The following OXSR1 variants were observed in gnomAD, a reference collection of about 807,000 sequenced individuals.
The protein encoded by OXSR1 is oxidative stress responsive kinase 1, also known as serine/threonine-protein kinase OSR1.
A neutral mutation model predicts 79.8 loss-of-function variants in OXSR1; 24 were observed. The ratio of observed to expected loss-of-function variants is 0.30; its 90% confidence interval spans 0.22 to 0.42. The LOEUF (loss-of-function observed/expected upper bound fraction) is 0.42. Ranked by LOEUF, OXSR1 falls within the 10% of genes least tolerant of loss-of-function variation. OXSR1 has a pLI of 1.00. For synonymous variants in OXSR1, 226 were observed against 209.2 expected, an observed-to-expected ratio of 1.08 and a Z score of -0.69; for missense variants, 430 against 618.4, an observed-to-expected ratio of 0.70 and a Z score of 3.23.
chr3:38,202,589 A>G (rs1369712390), intron 4 of OXSR1, among the ~76,000 whole-genome samples: 1 of 152,248 alleles, frequency 6.6e-6, no homozygotes, highest in Admixed American at 6.5e-5. Context: ...GACTGAAGGC[A>G]CAAACTGTTT....
At chr3:38,211,481 AAGAT>A (rs1402285077) in intron 4 of OXSR1, among the ~76,000 whole-genome samples, 2 of 152,120 alleles carry the variant, frequency 1.3e-5, no homozygotes, top group African/African-American at 2.4e-5. Flanking sequence ...TTTTGTTTTA[AAGAT>A]AGATCTTATT....
intron 3 of OXSR1, among the ~76,000 whole-genome samples, chr3:38,196,103 C>T (rs1293310979): frequency 6.6e-6 from 1 of 152,178 alleles, no homozygotes; most frequent in East Asian, 1.9e-4. Context: ...GTAATTCCTT[C>T]ACACATTAAA....
intron 4 of OXSR1, among the ~76,000 whole-genome samples, chr3:38,199,589 C>G (rs1702126301): frequency 6.6e-6 from 1 of 152,108 alleles, no homozygotes; most frequent in African/African-American, 2.4e-5. Flanking sequence ...TCTAAATAAT[C>G]TATCTTAGTA....
chr3:38,167,822 A>G (rs1314476039), intron 1 of OXSR1, among the ~76,000 whole-genome samples: 2 of 152,132 alleles, frequency 1.3e-5, no homozygotes, highest in African/African-American at 4.8e-5. Context: ...GGAAAGGATT[A>G]AATGGAAGAT....
At chr3:38,202,812 G>T (rs867962281) in intron 4 of OXSR1, among the ~76,000 whole-genome samples, 1 of 152,216 alleles carries the variant, frequency 6.6e-6, no homozygotes, top group African/African-American at 2.4e-5. Context: ...GAAGGCAAGA[G>T]GTGAGCCCTC....
At chr3:38,191,101 G>T (rs1701973221) in intron 3 of OXSR1, among the ~76,000 whole-genome samples, 1 of 152,178 alleles carries the variant, frequency 6.6e-6, no homozygotes, top group Non-Finnish European at 1.5e-5. Flanking sequence ...CTGGAGTGCA[G>T]TGGTGCAATC....
intron 1 of OXSR1, among the ~76,000 whole-genome samples, chr3:38,177,652 ATGGCTCAC>A (rs1701699345): frequency 6.7e-6 from 1 of 150,274 alleles, no homozygotes; most frequent in South Asian, 2.1e-4. Context: ...TGGTGTGAAC[ATGGCTCAC>A]TGCAGCATTG....
At chr3:38,237,349 G>A (rs1046618231) in intron 11 of OXSR1, among the ~76,000 whole-genome samples, 7 of 152,242 alleles carry the variant, frequency 4.6e-5, no homozygotes, top group East Asian at 3.9e-4. Context: ...CTCTTATTCA[G>A]TTGGTATATC....
In OXSR1 at chr3:38,198,871, A is replaced by G; in HGVS notation, c.434+8A>G. The stretch of plus-strand genomic sequence containing the variant: ...AAATGGACAGATCCACAGGTATGTA[A>G]AAGACAATACTCTTGTGTTACATCA... On this transcript the variant is annotated splice_region_variant and intron_variant, in intron 4 of 17. Transcript: ENST00000311806. 6.2e-7 allele frequency: 1 copy of G among 1,611,034 alleles called. No homozygotes were observed. Among genetic ancestry groups the G allele is most frequent in the South Asian group, 1.1e-5 (1 of 90,944 alleles).
chr3:38,182,262 C>T (rs1559502507), intron 1 of OXSR1, among the ~76,000 whole-genome samples: 1 of 152,172 alleles, frequency 6.6e-6, no homozygotes, highest in Non-Finnish European at 1.5e-5. Flanking sequence ...CTGCTAAGGG[C>T]AGATTGGCTT....
intron 4 of OXSR1, among the ~76,000 whole-genome samples, chr3:38,208,763 G>A (rs2125826792): frequency 6.6e-6 from 1 of 152,280 alleles, no homozygotes; most frequent in South Asian, 2.1e-4. Flanking sequence ...TTAGCTGGGT[G>A]TGGTGGCACG....
rs1380222026 is a variant in OXSR1, at chr3:38,255,306, C to T, written c.*2415C>T. On this transcript the variant is annotated 3_prime_UTR_variant, in exon 18 of 18. Transcript: ENST00000311806. Reference sequence around the variant, plus strand: ...GTTTTGAACCAAATCCTAGAGCCAGCTGATAATATTTAATAATCTGGAGGA... The same window carrying T: ...GTTTTGAACCAAATCCTAGAGCCAGTTGATAATATTTAATAATCTGGAGGA... The T allele has an allele frequency of 2.0e-5, 3 of 152,616 alleles. No homozygotes were observed. The allele number at this position is 152,616 out of a possible 1,614,324, so 9.5% of individuals were successfully genotyped here.
At position 38,254,211 on chromosome 3, in the gene OXSR1, G is replaced by C. The variant is rs967169791; in HGVS notation, c.*1320G>C. 1 of 398,772 alleles carries C rather than the reference G, an allele frequency of 2.5e-6. No homozygotes were observed. Among genetic ancestry groups the C allele is most frequent in the Non-Finnish European group, 4.4e-6 (1 of 225,962 alleles). The allele number at this position is 398,772 out of a possible 1,614,324, so 24.7% of individuals were successfully genotyped here. A position where few individuals can be genotyped will look rare whatever the true frequency, so the allele number is the denominator to read the frequency against. On this transcript the variant is annotated 3_prime_UTR_variant, in exon 18 of 18. Coordinates refer to ENST00000311806, the MANE Select transcript of OXSR1 (RefSeq NM_005109.3). ...CTGTGGGTCCCTGGAAAGGGGGAGA[G>C]TTGCCCTTTACAGAATCACTCGAGC... is the stretch of plus-strand genomic sequence containing the variant.
intron 4 of OXSR1, 70 bp from the exon 5 acceptor site, chr3:38,216,026 A>G (rs1050743934): frequency 1.1e-6 from 1 of 916,238 alleles, no homozygotes. Context: ...TATAGTAAAC[A>G]ATTGCTTAAA....
At position 38,236,950 on chromosome 3, in the gene OXSR1, T is replaced by G. The variant is rs775863821; in HGVS notation, c.1063T>G (p.Ser355Ala). 1.2e-6 allele frequency: 2 copies of G among 1,611,860 alleles called. No homozygotes were observed. The highest frequency in any genetic ancestry group is 1.3e-5 in the African/African-American group (1 of 74,934). ...AAGTGAGGAAGGGAAAGCAGCAATT[T>G]CACAACTCAGGGTAAATTTTATTAA... ...EESEEGKAAI[S>A]QLRSPRVKES... is the part of the protein sequence containing the mutation. The change falls in exon 11 of 18, where the codon TCA (serine) becomes GCA (alanine). Residue 355 changes from serine (S) to alanine (A), a missense_variant. Physicochemically the swap from Ser to Ala is moderately conservative, Grantham distance 99. Coordinates refer to ENST00000311806, the MANE Select transcript of OXSR1 (RefSeq NM_005109.3).
chr3:38,182,485 C>G (rs1701805833), intron 1 of OXSR1, among the ~76,000 whole-genome samples: 1 of 152,152 alleles, frequency 6.6e-6, no homozygotes, highest in Non-Finnish European at 1.5e-5. Context: ...AGAGTTTTCT[C>G]ATTTATTTAT....
intron 8 of OXSR1, among the ~76,000 whole-genome samples, chr3:38,226,609 G>T (rs1313017383): frequency 1.3e-5 from 2 of 152,052 alleles, no homozygotes; most frequent in Middle Eastern, 3.4e-3. Context: ...CTCTTGATAT[G>T]GTGCAATGAG....
chr3:38,252,668 C>A, intron 17 of OXSR1, 149 bp from the exon 18 acceptor site: 1 of 664,128 alleles, frequency 1.5e-6, no homozygotes. Flanking sequence ...CCCCTCTTTT[C>A]TGGAATAAAC....
At chr3:38,202,923 C>T (rs917451513) in intron 4 of OXSR1, among the ~76,000 whole-genome samples, 6 of 152,242 alleles carry the variant, frequency 3.9e-5, no homozygotes, top group South Asian at 2.1e-4. Flanking sequence ...AAGGGAGTCT[C>T]CTTTCCTTGG....
Sources: allele counts gnomAD v4.1 joint callset (sites outside exome capture counted in the v4.1 genomes callset), GRCh38; gene constraint gnomAD v4.1.1; transcripts MANE v1.5; gene names NCBI Gene and HGNC (gene_info 2026-07-23, HGNC 2026-07-21).